RASGRP1: variants seen among roughly 807,000 people sequenced by gnomAD.
RASGRP1 encodes the protein RAS guanyl releasing protein 1.
In RASGRP1, 37 loss-of-function variants were observed where a neutral mutation model predicts 95.1. The observed-to-expected ratio is 0.39, with a 90% CI of 0.30 to 0.51. The LOEUF (loss-of-function observed/expected upper bound fraction) is 0.51, where lower values mean the gene tolerates loss of function less well. RASGRP1 is among the 20% of genes least tolerant of loss of function. RASGRP1 has a pLI of 0.80. For synonymous variants in RASGRP1, 325 were observed against 353.4 expected (o/e 0.92, Z 0.90); for missense variants, 711 against 965.4 (o/e 0.74, Z 3.49).
chr15:38,538,032 G>T (rs930946849), intron 2 of RASGRP1, among the ~76,000 whole-genome samples: 6 of 152,204 alleles, frequency 3.9e-5, no homozygotes, highest in Non-Finnish European at 7.3e-5. Context: ...GGGAGGCTGA[G>T]GCAGGCAGAT....
chr15:38,496,176 G>A (rs1482809728), intron 15 of RASGRP1, among the ~76,000 whole-genome samples: 1 of 152,084 alleles, frequency 6.6e-6, no homozygotes, highest in Non-Finnish European at 1.5e-5. Context: ...AACCATCCCC[G>A]ATAATAATGA....
intron 2 of RASGRP1, among the ~76,000 whole-genome samples, chr15:38,541,976 A>G (rs950863257): frequency 2.6e-5 from 4 of 152,150 alleles, no homozygotes; most frequent in Non-Finnish European, 4.4e-5. Flanking sequence ...ATTCTGATAG[A>G]CTAAGAGGCA....
Position 38,564,659 on chromosome 15 carries a change from A to C in RASGRP1, c.-31T>G. 7.9e-7 allele frequency: 1 copy of C among 1,266,934 alleles called. No individual in the cohort carries two copies. The highest frequency in any genetic ancestry group is 9.9e-7 in the Non-Finnish European group (1 of 1,005,736). The allele number at this position is 1,266,934 out of a possible 1,614,324, so 78.5% of individuals were successfully genotyped here. A position where few individuals can be genotyped will look rare whatever the true frequency, so the allele number is the denominator to read the frequency against. On this transcript the variant is annotated 5_prime_UTR_variant, in exon 1 of 17. Transcript: ENST00000310803. ...CGGCCCGCGCTCCCGGTGCCGGCTC[A>C]CCTAGCGCGGCCGGGCGCGGCGCAT... is the stretch of plus-strand genomic sequence containing the variant.
At chr15:38,519,864 A>G (rs1296213756) in intron 3 of RASGRP1, among the ~76,000 whole-genome samples, 1 of 152,236 alleles carries the variant, frequency 6.6e-6, no homozygotes, top group Non-Finnish European at 1.5e-5. Flanking sequence ...CAATATTCAG[A>G]TATGTCATGA....
At chr15:38,543,616 G>T (rs1309233319) in intron 2 of RASGRP1, among the ~76,000 whole-genome samples, 2 of 66,046 alleles carry the variant, frequency 3.0e-5, no homozygotes, top group African/African-American at 5.9e-5. Flanking sequence ...ACCTGTCATT[G>T]ACTTTACTGA....
rs71418810 is a variant in RASGRP1, at chr15:38,493,179, C to CTTTT, written c.2259+1199_2259+1202dup. 9.3e-3 allele frequency among the ~76,000 whole-genome samples: 967 copies of CTTTT among 104,526 alleles called. 23 individuals are homozygous for CTTTT. The highest frequency in any genetic ancestry group is 0.015 in the Non-Finnish European group (807 of 53,452). 68.6% of individuals were successfully genotyped at this position (104,526 alleles called of 152,430 possible). On this transcript the variant is annotated intron_variant, in intron 16 of 16. Coordinates refer to ENST00000310803, the MANE Select transcript of RASGRP1 (RefSeq NM_005739.4). ...ACAGGCGTGAGCCACCACGCCGGGC[C>CTTTT]TTTTTTTTTTTTTTTTTTTTTTAAG...
At chr15:38,560,673 T>G (rs936198238) in intron 1 of RASGRP1, among the ~76,000 whole-genome samples, 6 of 152,226 alleles carry the variant, frequency 3.9e-5, no homozygotes, top group Admixed American at 1.3e-4. Flanking sequence ...AAATCTTGGT[T>G]GGTTTTAAGA....
At chr15:38,535,755 C>T (rs1004171787) in intron 2 of RASGRP1, among the ~76,000 whole-genome samples, 1 of 152,194 alleles carries the variant, frequency 6.6e-6, no homozygotes, top group Non-Finnish European at 1.5e-5. Context: ...AATGTCTAAC[C>T]AAGTGCATGA....
chr15:38,509,115 A>G (rs1356582542), intron 8 of RASGRP1, among the ~76,000 whole-genome samples: 1 of 151,156 alleles, frequency 6.6e-6, no homozygotes, highest in Non-Finnish European at 1.5e-5. Flanking sequence ...TCACAATTTC[A>G]TAGATGAAAT....
Position 38,516,213 on chromosome 15 carries a change from G to C in RASGRP1, c.659C>G (p.Ser220Cys). The change falls in exon 6 of 17, where the codon TCT becomes TGT. Residue 220 changes from serine (S) to cysteine (C), a missense_variant. Physicochemically the swap from Ser to Cys is moderately radical, Grantham distance 112. Around this residue, in one of 3 missense-constraint regions of RASGRP1, gnomAD observed 491 missense variants for 676.6 expected, o/e 0.73. Transcript: ENST00000310803. ...SEHLTYLEFKSFRRISFSDYQ... is the reference protein window; with the variant it reads ...SEHLTYLEFKCFRRISFSDYQ... ...CATACATACCGATATCCTCCGGAAA[G>C]ACTTGAACTCAAGGTAGGTGAGGTG... The C allele has an allele frequency of 6.3e-7, 1 of 1,597,978 alleles. No individual in the cohort carries two copies. The highest frequency in any genetic ancestry group is 8.6e-7 in the Non-Finnish European group (1 of 1,165,430).
chr15:38,498,502 C>G (rs1157081629), intron 15 of RASGRP1, among the ~76,000 whole-genome samples: 2 of 152,274 alleles, frequency 1.3e-5, no homozygotes, highest in African/African-American at 4.8e-5. Context: ...GGATAGTTAA[C>G]TGTTAACTTG....
chr15:38,537,006 T>G (rs1024388457), intron 2 of RASGRP1, among the ~76,000 whole-genome samples: 38 of 152,348 alleles, frequency 2.5e-4, no homozygotes, highest in African/African-American at 8.9e-4. Flanking sequence ...TATTCTTATT[T>G]CTCTTGCTAG....
chr15:38,498,704 AAC>A (rs1227887118), intron 15 of RASGRP1, 88 bp downstream of exon 15: 3 of 1,492,726 alleles, frequency 2.0e-6, no homozygotes, highest in African/African-American at 2.8e-5. Flanking sequence ...TTTAAACTCA[AAC>A]ACAGAGTCAT....
At chr15:38,562,701 C>T (rs1020126574) in intron 1 of RASGRP1, among the ~76,000 whole-genome samples, 1 of 152,234 alleles carries the variant, frequency 6.6e-6, no homozygotes, top group Non-Finnish European at 1.5e-5. Context: ...GCTCTATCTA[C>T]TGACAGAGCT....
intron 2 of RASGRP1, among the ~76,000 whole-genome samples, chr15:38,558,779 T>A (rs1893680747): frequency 6.6e-6 from 1 of 152,262 alleles, no homozygotes. Context: ...TGAATATCCC[T>A]AACATGTCAA....
At position 38,490,540 on chromosome 15, in the gene RASGRP1, A is replaced by C; in HGVS notation, c.*14T>G. The C allele has an allele frequency of 6.2e-7, 1 of 1,608,536 alleles. No individual in the cohort carries two copies. The highest frequency in any genetic ancestry group is 8.5e-7 in the Non-Finnish European group (1 of 1,176,868). On this transcript the variant is annotated 3_prime_UTR_variant, in exon 17 of 17. Transcript: ENST00000310803. ...ACTATACTCATCTACAGATTGTGCT[A>C]CTTAGTTTCTGGGCTAAGAACAGTC...
At chr15:38,507,316 CTGGGTGTT>C (rs1891299114) in intron 9 of RASGRP1, among the ~76,000 whole-genome samples, 1 of 148,942 alleles carries the variant, frequency 6.7e-6, no homozygotes, top group Non-Finnish European at 1.5e-5. Context: ...AATAATAACC[CTGGGTGTT>C]TTTTGTTTGT....
At chr15:38,494,050 G>A (rs935151682) in intron 16 of RASGRP1, among the ~76,000 whole-genome samples, 1 of 152,144 alleles carries the variant, frequency 6.6e-6, no homozygotes, top group Non-Finnish European at 1.5e-5. Context: ...TTTTCTCTGT[G>A]AGCCTACTAA....
intron 2 of RASGRP1, among the ~76,000 whole-genome samples, chr15:38,545,686 C>A (rs1893078551): frequency 6.6e-6 from 1 of 152,104 alleles, no homozygotes; most frequent in Non-Finnish European, 1.5e-5. Context: ...GCAAGTCAGA[C>A]AGAGAAGAGA....
Sources: allele counts gnomAD v4.1 joint callset (sites outside exome capture counted in the v4.1 genomes callset), GRCh38; gene constraint gnomAD v4.1.1; regional missense constraint gnomAD v4.1.1; transcripts MANE v1.5; gene names NCBI Gene and HGNC (gene_info 2026-07-23, HGNC 2026-07-21).